The following LRBA variants were observed in gnomAD, a reference collection of about 807,000 sequenced individuals.
The protein encoded by LRBA is LPS responsive beige-like anchor protein.
A neutral mutation model predicts 330.0 loss-of-function variants in LRBA; 176 were observed. The observed-to-expected ratio is 0.53, with a 90% confidence interval of 0.47 to 0.60. LRBA has a LOEUF of 0.60. LRBA is among the 20% of genes least tolerant of loss of function. LRBA has a pLI of 0.00. For missense variants in LRBA, 3,259 were observed against 3,444.8 expected, an observed-to-expected ratio of 0.95 and a Z score of 1.35; for synonymous variants, 1,230 against 1,193.0, an observed-to-expected ratio of 1.03 and a Z score of -0.64.
At chr4:150,613,302 T>C (rs1775446561) in intron 37 of LRBA, among the ~76,000 whole-genome samples, 1 of 152,110 alleles carries the variant, frequency 6.6e-6, no homozygotes. Flanking sequence ...ATGCAAAAGG[T>C]ACCTTAGGGA....
Position 150,723,974 on chromosome 4 carries a change from G to A in LRBA, c.5754+11284C>T, listed in dbSNP as rs541400314. Among the ~76,000 whole-genome samples, 34 of 152,320 alleles carry A rather than the reference G, an allele frequency of 2.2e-4. No individual in the cohort carries two copies. In the South Asian group the frequency reaches 6.6e-3, roughly 30 times the overall value. On this transcript the variant is annotated intron_variant, in intron 36 of 56. Coordinates refer to ENST00000651943, the MANE Select transcript of LRBA (RefSeq NM_001364905.1). ...GGTGGCCACAGGGAAAGGCAGCTCT[G>A]CCTGTGGAAAGTGAAGAGTAGGAAA...
At chr4:150,347,005 A>ATG (rs1371013156) in intron 48 of LRBA, among the ~76,000 whole-genome samples, 1 of 152,058 alleles carries the variant, frequency 6.6e-6, no homozygotes, top group Non-Finnish European at 1.5e-5. Flanking sequence ...AATGTGGTAT[A>ATG]TATATATACA....
At chr4:150,795,164 A>G (rs1162271854) in intron 34 of LRBA, among the ~76,000 whole-genome samples, 1 of 152,130 alleles carries the variant, frequency 6.6e-6, no homozygotes, top group Non-Finnish European at 1.5e-5. Context: ...AGTGGCCTTG[A>G]ATGCAACGTC....
chr4:150,676,428 T>A (rs1013736424), intron 37 of LRBA, among the ~76,000 whole-genome samples: 14 of 152,328 alleles, frequency 9.2e-5, no homozygotes, highest in African/African-American at 2.9e-4. Flanking sequence ...ATTTCTACAG[T>A]GCCAAAATGT....
intron 37 of LRBA, among the ~76,000 whole-genome samples, chr4:150,671,041 TGAGAGA>T (rs369417809): frequency 1.3e-4 from 19 of 142,742 alleles, no homozygotes; most frequent in African/African-American, 2.7e-4. Flanking sequence ...TGTGTGTGTG[TGAGAGA>T]GAGAGAGAGA....
intron 52 of LRBA, among the ~76,000 whole-genome samples, chr4:150,305,770 C>T (rs1047735925): frequency 6.6e-6 from 1 of 152,172 alleles, no homozygotes; most frequent in African/African-American, 2.4e-5. Flanking sequence ...TTGGGCTCAA[C>T]TCTGGAAAAC....
At chr4:150,517,082 T>G (rs1434774002) in intron 40 of LRBA, among the ~76,000 whole-genome samples, 1 of 152,208 alleles carries the variant, frequency 6.6e-6, no homozygotes, top group Non-Finnish European at 1.5e-5. Context: ...CAATATATTA[T>G]GGAGTGAGAT....
At chr4:150,456,802 G>A (rs116650006) in intron 44 of LRBA, among the ~76,000 whole-genome samples, 2,702 of 152,146 alleles carry the variant, frequency 0.018, 87 homozygotes, top group African/African-American at 0.06. Context: ...CACAGTTTGA[G>A]TTCTTAGATT....
intron 35 of LRBA, 39 bp from the exon 36 acceptor site, chr4:150,735,405 C>T (rs1582187806): frequency 8.0e-7 from 1 of 1,243,854 alleles, no homozygotes; most frequent in Non-Finnish European, 1.2e-6. Flanking sequence ...TATATGTATA[C>T]ACACACAACA....
intron 2 of LRBA, among the ~76,000 whole-genome samples, chr4:151,002,694 T>C (rs1309753230): frequency 1.3e-5 from 2 of 150,056 alleles, no homozygotes; most frequent in African/African-American, 4.9e-5. Flanking sequence ...AGATAGATGA[T>C]ATTAAAAAAA....
chr4:150,436,167 A>G (rs1278798339), intron 45 of LRBA, among the ~76,000 whole-genome samples: 1 of 152,178 alleles, frequency 6.6e-6, no homozygotes, highest in Non-Finnish European at 1.5e-5. Context: ...GAAATTAGCT[A>G]AGCACTATAA....
In LRBA at chr4:150,302,681, G is replaced by C. The variant is rs549473489; in HGVS notation, c.7961C>G (p.Thr2654Ser). Reference protein sequence around the residue: ...CYILSGSRDATLLLWYWNGKC... With the variant: ...CYILSGSRDASLLLWYWNGKC... ...TCCATTCCAATACCACAGCAAAAGA[G>C]TTGCATCACGTGACCCTGAGAGAAT... Residue 2654 changes from threonine (T) to serine (S), a missense_variant, in exon 53 of 57, where the codon ACT (threonine) becomes AGT (serine). Thr to Ser is a moderately conservative substitution (Grantham distance 58). Coordinates refer to ENST00000651943, the MANE Select transcript of LRBA (RefSeq NM_001364905.1). 1.9e-6 allele frequency: 3 copies of C among 1,612,906 alleles called. No homozygotes were observed. Among genetic ancestry groups the C allele is most frequent in the African/African-American group, 2.7e-5 (2 of 74,990 alleles).
chr4:150,808,750 A>G (rs927597477), intron 31 of LRBA, among the ~76,000 whole-genome samples: 7 of 152,242 alleles, frequency 4.6e-5, no homozygotes, highest in African/African-American at 1.4e-4. Context: ...AAAAACACAG[A>G]AACAGCTACA....
chr4:150,801,056 A>T (rs1317300061), intron 33 of LRBA, among the ~76,000 whole-genome samples: 2 of 152,132 alleles, frequency 1.3e-5, no homozygotes, highest in East Asian at 3.8e-4. Context: ...AATAGTCATG[A>T]CTATTTACTA....
intron 37 of LRBA, among the ~76,000 whole-genome samples, chr4:150,622,846 C>G (rs917058818): frequency 6.6e-6 from 1 of 151,948 alleles, no homozygotes; most frequent in South Asian, 2.1e-4. Flanking sequence ...TACAGGCGCC[C>G]GCCACCGCGC....
intron 39 of LRBA, among the ~76,000 whole-genome samples, chr4:150,589,040 T>TACACACACACACACACAC (rs10637563): frequency 1.4e-5 from 2 of 146,754 alleles, no homozygotes; most frequent in African/African-American, 5.1e-5. Flanking sequence ...TGTGTGTGTA[T>TACACACACACACACACAC]ACACACACAC....
Position 150,829,242 on chromosome 4 carries a change from C to T in LRBA, c.4730-621G>A, listed in dbSNP as rs372072096. Among the ~76,000 whole-genome samples the T allele has an allele frequency of 2.6e-3, 395 of 152,114 alleles. 3 individuals carry two copies. Among genetic ancestry groups the T allele is most frequent in the African/African-American group, 4.8e-3 (200 of 41,488 alleles). Reference sequence around the variant, plus strand: ...TGCACCACCATGCCTGGCCCAAGTCCGCAATCTTTAGGATAAAATAAAAAG... The same window carrying T: ...TGCACCACCATGCCTGGCCCAAGTCTGCAATCTTTAGGATAAAATAAAAAG... On this transcript the variant is annotated intron_variant, in intron 29 of 56. Transcript: ENST00000651943.
intron 13 of LRBA, among the ~76,000 whole-genome samples, chr4:150,902,120 T>C (rs780964027): frequency 6.6e-6 from 1 of 152,134 alleles, no homozygotes; most frequent in Non-Finnish European, 1.5e-5. Context: ...TTGAGTGACA[T>C]AGAGCTATGA....
chr4:150,479,681 A>G (rs1321862032), intron 42 of LRBA, among the ~76,000 whole-genome samples: 3 of 152,214 alleles, frequency 2.0e-5, no homozygotes, highest in Non-Finnish European at 4.4e-5. Context: ...AATGAATACA[A>G]TGTAGCAGAA....
Sources: allele counts gnomAD v4.1 joint callset (sites outside exome capture counted in the v4.1 genomes callset), GRCh38; gene constraint gnomAD v4.1.1; transcripts MANE v1.5; gene names NCBI Gene and HGNC (gene_info 2026-07-23, HGNC 2026-07-21).